The following AGBL4 variants were observed in gnomAD, a reference collection of about 807,000 sequenced individuals.
AGBL4 encodes the protein AGBL carboxypeptidase 4.
A neutral mutation model predicts 66.4 loss-of-function variants in AGBL4; 58 were observed. The observed-to-expected ratio is 0.87, with a 90% CI of 0.71 to 1.09. AGBL4 has a LOEUF of 1.09. Ranked by LOEUF, AGBL4 falls within the 50% of genes least tolerant of loss-of-function variation. The pLI is 0.00. For synonymous variants in AGBL4, 234 were observed against 222.9 expected, an observed-to-expected ratio of 1.05 and a Z score of -0.44; for missense variants, 579 against 631.0, an observed-to-expected ratio of 0.92 and a Z score of 0.88.
At chr1:48,572,066 G>T (rs934319262) in intron 11 of AGBL4, among the ~76,000 whole-genome samples, 1 of 152,158 alleles carries the variant, frequency 6.6e-6, no homozygotes, top group African/African-American at 2.4e-5. Context: ...TATGAGGAAT[G>T]GGGAAAGTGA....
chr1:49,364,883 A>G (rs895350751), intron 3 of AGBL4, among the ~76,000 whole-genome samples: 6 of 152,210 alleles, frequency 3.9e-5, no homozygotes, highest in African/African-American at 1.4e-4. Flanking sequence ...GAGGAATCCA[A>G]CCCAGTAACG....
chr1:49,677,873 C>A (rs941388692), intron 3 of AGBL4, among the ~76,000 whole-genome samples: 1 of 152,148 alleles, frequency 6.6e-6, no homozygotes, highest in African/African-American at 2.4e-5. Context: ...CAGGAAGTGA[C>A]TCCTTATCAG....
chr1:49,878,574 C>T (rs373606550), intron 1 of AGBL4, among the ~76,000 whole-genome samples: 7 of 151,882 alleles, frequency 4.6e-5, no homozygotes, highest in Admixed American at 6.6e-5. Context: ...AGTGCTTTAC[C>T]TCCAACTATG....
chr1:48,819,576 T>G (rs544406860), intron 6 of AGBL4, among the ~76,000 whole-genome samples: 2 of 152,200 alleles, frequency 1.3e-5, no homozygotes, highest in Admixed American at 1.3e-4. Flanking sequence ...AGAGGCCAAT[T>G]TGGGGACTAC....
At chr1:49,076,395 T>G (rs940776331) in intron 4 of AGBL4, among the ~76,000 whole-genome samples, 2 of 152,210 alleles carry the variant, frequency 1.3e-5, no homozygotes, top group Non-Finnish European at 2.9e-5. Context: ...TACTTATTGT[T>G]GTATTGTTGA....
At chr1:49,627,320 T>A (rs1298276401) in intron 3 of AGBL4, among the ~76,000 whole-genome samples, 1 of 152,094 alleles carries the variant, frequency 6.6e-6, no homozygotes, top group Non-Finnish European at 1.5e-5. Context: ...ATTAATGCCC[T>A]CCAGGAAGCA....
intron 3 of AGBL4, among the ~76,000 whole-genome samples, chr1:49,397,885 G>C (rs1270248952): frequency 3.3e-5 from 5 of 152,154 alleles, no homozygotes. Context: ...TGGATAAAGT[G>C]AATAGATTAG....
chr1:49,126,182 T>G (rs1380719866), intron 4 of AGBL4, among the ~76,000 whole-genome samples: 1 of 152,132 alleles, frequency 6.6e-6, no homozygotes, highest in African/African-American at 2.4e-5. Flanking sequence ...CCTAACAAGA[T>G]TATCACTTCT....
At chr1:48,836,280 GCTA>G (rs1249287039) in intron 6 of AGBL4, among the ~76,000 whole-genome samples, 1 of 141,724 alleles carries the variant, frequency 7.1e-6, no homozygotes, top group Non-Finnish European at 1.5e-5. Context: ...CACCAGGGAG[GCTA>G]CTAAGTTTCC....
intron 3 of AGBL4, among the ~76,000 whole-genome samples, chr1:49,403,813 T>C (rs1297494646): frequency 1.3e-5 from 2 of 152,178 alleles, no homozygotes; most frequent in Non-Finnish European, 2.9e-5. Context: ...CTATTCCTCC[T>C]ACTTTCAATT....
At chr1:49,785,486 T>A (rs1350101291) in intron 2 of AGBL4, among the ~76,000 whole-genome samples, 3 of 152,040 alleles carry the variant, frequency 2.0e-5, no homozygotes, top group Non-Finnish European at 4.4e-5. Context: ...AATTTAGAAA[T>A]TTTTTAAATC....
intron 3 of AGBL4, among the ~76,000 whole-genome samples, chr1:49,508,446 A>G (rs1648893359): frequency 6.6e-6 from 1 of 152,030 alleles, no homozygotes. Flanking sequence ...AGAAAAATTA[A>G]TAGTGAAATT....
intron 6 of AGBL4, among the ~76,000 whole-genome samples, chr1:48,839,770 C>T (rs1646757722): frequency 6.6e-6 from 1 of 151,974 alleles, no homozygotes; most frequent in South Asian, 2.1e-4. Flanking sequence ...GACTTCTGGC[C>T]CCACATACAG....
chr1:49,522,744 C>T (rs1467062855), intron 3 of AGBL4, among the ~76,000 whole-genome samples: 1 of 152,122 alleles, frequency 6.6e-6, no homozygotes, highest in Non-Finnish European at 1.5e-5. Context: ...TCTCTAGCCA[C>T]TACCTAGCAT....
At position 49,603,973 on chromosome 1, in the gene AGBL4, CACACA is replaced by C. The variant is rs1413138480; in HGVS notation, c.282+93335_282+93339del. Among the ~76,000 whole-genome samples, 12 of 137,228 alleles carry C rather than the reference CACACA, an allele frequency of 8.7e-5. 1 individual carries two copies. Among genetic ancestry groups the C allele is most frequent in the African/African-American group, 3.7e-4 (12 of 32,092 alleles). The allele number at this position is 137,228 out of a possible 152,430, so 90.0% of individuals were successfully genotyped here. A position where few individuals can be genotyped will look rare whatever the true frequency, so the allele number is the denominator to read the frequency against. ...ACACACACACACACACACACACACA[CACACA>C]CACCACATTTTAGATTGATTCCATA... On this transcript the variant is annotated intron_variant, in intron 3 of 13. Transcript: ENST00000371839.
intron 3 of AGBL4, among the ~76,000 whole-genome samples, chr1:49,511,821 T>A (rs1018918951): frequency 6.6e-6 from 1 of 151,910 alleles, no homozygotes; most frequent in Non-Finnish European, 1.5e-5. Context: ...ACATGGACAG[T>A]TGACTCTCCT....
intron 3 of AGBL4, among the ~76,000 whole-genome samples, chr1:49,384,915 T>C (rs951329880): frequency 9.8e-5 from 15 of 152,308 alleles, no homozygotes; most frequent in African/African-American, 3.4e-4. Flanking sequence ...CTCATGTTCA[T>C]TGGAGCATTA....
intron 4 of AGBL4, among the ~76,000 whole-genome samples, chr1:49,208,113 C>T (rs1648386143): frequency 6.6e-6 from 1 of 151,892 alleles, no homozygotes. Flanking sequence ...TATCATATGC[C>T]TATGAGTTAG....
At chr1:49,753,167 G>A (rs75562286) in intron 2 of AGBL4, among the ~76,000 whole-genome samples, 1 of 152,226 alleles carries the variant, frequency 6.6e-6, no homozygotes, top group Non-Finnish European at 1.5e-5. Flanking sequence ...TAGTGTCAAT[G>A]ATCTTTACAT....
Sources: allele counts gnomAD v4.1 joint callset (sites outside exome capture counted in the v4.1 genomes callset), GRCh38; gene constraint gnomAD v4.1.1; transcripts MANE v1.5; gene names NCBI Gene and HGNC (gene_info 2026-07-23, HGNC 2026-07-21).